The following CFAP47 variants were observed in gnomAD, a reference collection of about 807,000 sequenced individuals.
CFAP47 encodes cilia and flagella associated protein 47.
Under a neutral mutation model 148.1 loss-of-function variants are expected in CFAP47, and 29 were observed. That is an observed-to-expected ratio of 0.20 (90% CI 0.15 to 0.27). CFAP47 has a LOEUF of 0.27. Among genes scored for constraint, CFAP47 ranks in the 10% least tolerant of loss-of-function variants. The pLI, the probability that CFAP47 is intolerant of heterozygous loss-of-function variation, is 1.00. For synonymous variants in CFAP47, 664 were observed against 577.3 expected (o/e 1.15, Z -2.15); for missense variants, 1,872 against 1,697.5 (o/e 1.10, Z -1.81).
chrX:36,058,201 C>T (rs1314226067), intron 26 of CFAP47, among the ~76,000 whole-genome samples: 1 of 111,734 alleles, frequency 8.9e-6, no homozygotes, highest in Non-Finnish European at 1.9e-5. Flanking sequence ...AAACCATTTG[C>T]CAGCCACTCT....
In CFAP47 at chrX:36,371,621, AAT is replaced by A. The variant is rs1356052758; in HGVS notation, c.9185+4499_9185+4500del. 2.4e-4 allele frequency among the ~76,000 whole-genome samples: 19 copies of A among 79,651 alleles called. 1 individual carries two copies. In the South Asian group the frequency reaches 2.4e-3, roughly 10 times the overall value. The allele number at this position is 79,651 out of a possible 115,157, so 69.2% of individuals were successfully genotyped here. A position where few individuals can be genotyped will look rare whatever the true frequency, so the allele number is the denominator to read the frequency against. ...TGTGTATATATGTGTATATATGTGTAATATATGTGTATATACACACATATGTG... is the reference window on the plus strand; with the variant it reads ...TGTGTATATATGTGTATATATGTGTAATATGTGTATATACACACATATGTG... On this transcript the variant is annotated intron_variant, in intron 62 of 63. Coordinates refer to ENST00000378653, the MANE Select transcript of CFAP47 (RefSeq NM_001304548.2).
intron 49 of CFAP47, among the ~76,000 whole-genome samples, chrX:36,270,351 C>G (rs974180606): frequency 5.4e-5 from 6 of 110,560 alleles, no homozygotes; most frequent in Non-Finnish European, 1.1e-4. Flanking sequence ...CTAATTTTAA[C>G]TATTTAAATT....
At position 35,960,979 on chromosome X, in the gene CFAP47, G is replaced by T. The variant is rs557950907; in HGVS notation, c.1410+4783G>T. 9.8e-5 allele frequency among the ~76,000 whole-genome samples: 11 copies of T among 111,909 alleles called. No individual in the cohort carries two copies. The South Asian group carries it at 4.0e-3, about 41-fold the overall frequency. On this transcript the variant is annotated intron_variant, in intron 8 of 63. Transcript: ENST00000378653. ...CATTTAGTCTCTTATCAAGTTTCATGTTAGCTGTAAGTTTTTCATTGACTG... is the reference window on the plus strand; with the variant it reads ...CATTTAGTCTCTTATCAAGTTTCATTTTAGCTGTAAGTTTTTCATTGACTG...
At chrX:35,981,352 G>A (rs1401781452) in intron 15 of CFAP47, among the ~76,000 whole-genome samples, 1 of 104,057 alleles carries the variant, frequency 9.6e-6, no homozygotes, top group Admixed American at 1.1e-4. Flanking sequence ...AAAAAGGCAA[G>A]GACTGCCTAC....
At chrX:36,207,890 C>T (rs944235014) in intron 45 of CFAP47, among the ~76,000 whole-genome samples, 10 of 111,599 alleles carry the variant, frequency 9.0e-5, no homozygotes, top group African/African-American at 2.3e-4. Context: ...TATACAGAGT[C>T]CTATATGAGC....
intron 49 of CFAP47, among the ~76,000 whole-genome samples, chrX:36,268,369 C>T (rs1940920129): frequency 8.8e-6 from 1 of 113,009 alleles, no homozygotes; most frequent in African/African-American, 3.2e-5. Context: ...TATACTCTGT[C>T]ATGCTGAAGG....
At chrX:36,280,741 T>A (rs1355026662) in intron 50 of CFAP47, 111 bp downstream of exon 50, 5 of 333,664 alleles carry the variant, frequency 1.5e-5, no homozygotes, top group Non-Finnish European at 2.6e-5. Context: ...AAATTTGTAT[T>A]GCATGTTTCC....
intron 33 of CFAP47, among the ~76,000 whole-genome samples, chrX:36,116,535 T>A (rs1029947216): frequency 8.9e-6 from 1 of 112,542 alleles, no homozygotes; most frequent in Non-Finnish European, 1.9e-5. Context: ...GAGAATAAAC[T>A]GATTAGCTGG....
chrX:36,207,964 GC>G (rs1191364448), intron 45 of CFAP47, among the ~76,000 whole-genome samples: 3 of 111,649 alleles, frequency 2.7e-5, no homozygotes, highest in Non-Finnish European at 5.6e-5. Flanking sequence ...TTAATATGGA[GC>G]AAAAAACCCT....
At chrX:36,133,734 T>C (rs1330927790) in intron 33 of CFAP47, among the ~76,000 whole-genome samples, 1 of 108,605 alleles carries the variant, frequency 9.2e-6, no homozygotes, top group Non-Finnish European at 1.9e-5. Flanking sequence ...TGTGTTCATC[T>C]ATGTTAATTT....
intron 33 of CFAP47, among the ~76,000 whole-genome samples, chrX:36,105,003 A>T (rs1240069697): frequency 8.9e-6 from 1 of 112,111 alleles, no homozygotes; most frequent in Non-Finnish European, 1.9e-5. Context: ...AGTATTAAAT[A>T]TATAGGTGAC....
chrX:36,263,703 G>A (rs1484509672), intron 49 of CFAP47, among the ~76,000 whole-genome samples: 2 of 111,630 alleles, frequency 1.8e-5, no homozygotes, highest in Non-Finnish European at 3.8e-5. Flanking sequence ...CTCTTGCCCA[G>A]GGCGAGTCCA....
intron 23 of CFAP47, 65 bp from the exon 24 acceptor site, chrX:36,035,630 C>T: frequency 3.5e-6 from 1 of 287,578 alleles, no homozygotes; most frequent in Non-Finnish European, 6.1e-6. Flanking sequence ...GATGGTAATA[C>T]AACTAAACTT....
intron 26 of CFAP47, among the ~76,000 whole-genome samples, chrX:36,061,890 C>G (rs1373331731): frequency 8.9e-6 from 1 of 112,116 alleles, no homozygotes. Context: ...ATCTTTTCCT[C>G]TCCTTCACCT....
intron 46 of CFAP47, among the ~76,000 whole-genome samples, chrX:36,235,247 C>T (rs1325335861): frequency 1.8e-5 from 2 of 112,070 alleles, no homozygotes; most frequent in African/African-American, 6.5e-5. Flanking sequence ...CAGGCAGGCC[C>T]CCTTGAGCTG....
chrX:36,326,099 C>T (rs1398028445), intron 57 of CFAP47, among the ~76,000 whole-genome samples: 1 of 110,991 alleles, frequency 9.0e-6, no homozygotes, highest in Non-Finnish European at 1.9e-5. Context: ...TATGTATGAG[C>T]CTGTTTCTAG....
chrX:36,364,578 G>T (rs1235373836), intron 61 of CFAP47, among the ~76,000 whole-genome samples: 1 of 109,660 alleles, frequency 9.1e-6, no homozygotes, highest in African/African-American at 3.3e-5. Flanking sequence ...ACATAAAAAA[G>T]TTGGAAAGAG....
intron 57 of CFAP47, among the ~76,000 whole-genome samples, chrX:36,341,594 C>G (rs1941653914): frequency 1.8e-5 from 2 of 111,189 alleles, no homozygotes; most frequent in African/African-American, 3.3e-5. Flanking sequence ...ACAATTTCCA[C>G]ATTTCAAATA....
At chrX:36,224,343 G>A (rs868916402) in intron 45 of CFAP47, among the ~76,000 whole-genome samples, 1 of 111,531 alleles carries the variant, frequency 9.0e-6, no homozygotes, top group East Asian at 2.8e-4. Context: ...CTGAAAAAAA[G>A]TGTTTTAACT....
Sources: gnomAD v4.1 joint callset for allele counts (sites outside exome capture counted in the v4.1 genomes callset) on GRCh38, gnomAD v4.1.1 for gene constraint, MANE v1.5 for transcripts, NCBI Gene and HGNC (gene_info 2026-07-23, HGNC 2026-07-21) for gene names.